Variants in UNC13A observed in about 807,000 individuals in gnomAD.
UNC13A encodes the protein protein unc-13 homolog A.
UNC13A carries 61 observed loss-of-function variants against 219.7 expected under a neutral mutation model. The ratio of observed to expected loss-of-function variants is 0.28; its 90% CI spans 0.23 to 0.34. The LOEUF is 0.34. UNC13A is among the 10% of genes least tolerant of loss of function. The probability of loss-of-function intolerance (pLI) is 1.00; values close to 1 mark genes in which losing one functional copy is unlikely to be tolerated. For missense variants in UNC13A, 1,476 were observed against 2,270.3 expected, an observed-to-expected ratio of 0.65 and a Z score of 7.11; for synonymous variants, 920 against 884.6, an observed-to-expected ratio of 1.04 and a Z score of -0.71.
At chr19:17,618,558 G>C in intron 39 of UNC13A, 57 bp from the exon 40 acceptor site, 1 of 1,508,006 alleles carries the variant, frequency 6.6e-7, no homozygotes, top group Non-Finnish European at 9.0e-7. Flanking sequence ...TTTGGAATCT[G>C]TGTCTATGGG....
At chr19:17,608,959 CT>C (rs35529137) in intron 43 of UNC13A, among the ~76,000 whole-genome samples, 2,450 of 134,308 alleles carry the variant, frequency 0.018, 24 homozygotes, top group Middle Eastern at 0.065. Flanking sequence ...CCAGAGCAGA[CT>C]TTTTTTTTTT....
rs563117369 is a variant in UNC13A at position 17,603,394 on chromosome 19, T to C, written c.*2660A>G. On this transcript the variant is annotated 3_prime_UTR_variant, in exon 44 of 44. Coordinates refer to ENST00000519716, the MANE Select transcript of UNC13A (RefSeq NM_001080421.3). ...TCACTTCCCCTTTGGGCTCTATGGG[T>C]TACAACCCTGAATCATCCATCCACC... is the stretch of plus-strand genomic sequence containing the variant. 55 of 152,376 alleles carry C rather than the reference T, an allele frequency of 3.6e-4. No homozygotes were observed. Among genetic ancestry groups the C allele is most frequent in the African/African-American group, 1.3e-3 (53 of 41,568 alleles). The allele number at this position is 152,376 out of a possible 1,614,324, so 9.4% of individuals were successfully genotyped here. A position where few individuals can be genotyped will look rare whatever the true frequency, so the allele number is the denominator to read the frequency against.
At chr19:17,666,179 C>CTCTCTCTCTT (rs1397641134) in intron 7 of UNC13A, among the ~76,000 whole-genome samples, 11 of 62,034 alleles carry the variant, frequency 1.8e-4, no homozygotes, top group Admixed American at 9.1e-4. Flanking sequence ...TTCTTTCTTT[C>CTCTCTCTCTT]TCTCTCTCTC....
At chr19:17,672,648 A>G (rs2079812395) in intron 3 of UNC13A, among the ~76,000 whole-genome samples, 153 bp from the exon 4 acceptor site, 3 of 152,106 alleles carry the variant, frequency 2.0e-5, no homozygotes, top group Admixed American at 2.0e-4. Context: ...GGTGGTTCTC[A>G]TTTTATAGAG....
At chr19:17,681,975 C>T (rs867959372) in intron 1 of UNC13A, among the ~76,000 whole-genome samples, 65 of 132,984 alleles carry the variant, frequency 4.9e-4, no homozygotes, top group African/African-American at 1.5e-3. Flanking sequence ...TTTTTTTTGA[C>T]GGAGTCTCAC....
intron 34 of UNC13A, among the ~76,000 whole-genome samples, chr19:17,626,128 T>C (rs2076780869): frequency 6.6e-6 from 1 of 151,428 alleles, no homozygotes; most frequent in African/African-American, 2.4e-5. Context: ...CATCCAAATA[T>C]TTATCCACAT....
intron 2 of UNC13A, 95 bp downstream of exon 2, chr19:17,675,917 A>T (rs2079888954): frequency 6.9e-7 from 1 of 1,452,738 alleles, no homozygotes; most frequent in Admixed American, 2.0e-5. Flanking sequence ...ATAAAGCCCA[A>T]CTCTAAGTCT....
rs765072720 is a variant in UNC13A, at chr19:17,627,548, T to C, written c.3881A>G (p.Asn1294Ser). 1.7e-4 allele frequency: 263 copies of C among 1,564,118 alleles called. No homozygotes were observed. Among genetic ancestry groups the C allele is most frequent in the Middle Eastern group, 3.3e-4 (2 of 6,006 alleles). Residue 1294 changes from asparagine (N) to serine (S), a missense_variant, in exon 33 of 44, where the codon AAT (asparagine) becomes AGT (serine). Asn to Ser is a conservative substitution (Grantham distance 46). Coordinates refer to ENST00000519716, the MANE Select transcript of UNC13A (RefSeq NM_001080421.3). This position sits in a 1 kb window ranked among gnomAD's most constrained non-coding sequence, Gnocchi z 4.7. Reference sequence around the variant, plus strand: ...CCGGCTGAGCTCATCCAAGACGTTATTGAGTTTCACCTGAAGCTCCTTCAG... The same window carrying C: ...CCGGCTGAGCTCATCCAAGACGTTACTGAGTTTCACCTGAAGCTCCTTCAG... ...DILKELQVKLNNVLDELSRVF... is the reference protein window; with the variant it reads ...DILKELQVKLSNVLDELSRVF...
At chr19:17,625,081 G>A (rs1403612362) in intron 34 of UNC13A, 129 bp from the exon 35 acceptor site, 1 of 1,412,138 alleles carries the variant, frequency 7.1e-7, no homozygotes, top group Non-Finnish European at 9.4e-7. Context: ...GGGACCCCTG[G>A]GTGGTTTGAT....
chr19:17,685,596 G>A (rs1165263068), intron 1 of UNC13A, among the ~76,000 whole-genome samples: 1 of 152,196 alleles, frequency 6.6e-6, no homozygotes, highest in Non-Finnish European at 1.5e-5. Context: ...ACACTCACAC[G>A]TGTGTTGCTG....
chr19:17,617,966 T>C, intron 40 of UNC13A, 117 bp from the exon 41 acceptor site: 1 of 1,372,224 alleles, frequency 7.3e-7, no homozygotes, highest in Non-Finnish European at 9.9e-7. Context: ...TCTCACCTCT[T>C]CCTTTGCTTT....
At position 17,606,350 on chromosome 19, in the gene UNC13A, G is replaced by T. The variant is rs925014869; in HGVS notation, c.4816C>A (p.Leu1606Met). Residue 1606 changes from leucine to methionine, a missense_variant, in exon 44 of 44, where the codon CTG becomes ATG. Around this residue, in one of 14 missense-constraint regions of UNC13A, gnomAD observed 187 missense variants for 172.3 expected, o/e 1.09. Coordinates refer to ENST00000519716, the MANE Select transcript of UNC13A (RefSeq NM_001080421.3). The part of the protein sequence containing the change: ...PKYNESFQFT[L>M]SADAGPECYE... ...CACTCGGGACCCGCGTCGGCGCTCA[G>T]CGTGCTGCGTGGGGAGGGGCGGAAC... The T allele has an allele frequency of 1.4e-5, 21 of 1,543,774 alleles. No individual in the cohort carries two copies. The African/African-American group carries it at 2.7e-4, about 20-fold the overall frequency.
At chr19:17,619,754 A>G (rs1385558727) in intron 38 of UNC13A, among the ~76,000 whole-genome samples, 1 of 151,718 alleles carries the variant, frequency 6.6e-6, no homozygotes, top group African/African-American at 2.4e-5. Context: ...TAAAGGAAAA[A>G]TCCTCCCTCT....
In UNC13A at chr19:17,602,645, A is replaced by C. The variant is rs1444111837; in HGVS notation, c.*3409T>G. 1 of 152,234 alleles carries C rather than the reference A, an allele frequency of 6.6e-6. No individual in the cohort carries two copies. Among genetic ancestry groups the C allele is most frequent in the African/African-American group, 2.4e-5 (1 of 41,434 alleles). 9.4% of individuals were successfully genotyped at this position (152,234 alleles called of 1,614,324 possible). ...GCCAATACAGGAACTTCCTGATTTC[A>C]AAAGGCTTTCAGCCCCCTGGACTCC... On this transcript the variant is annotated 3_prime_UTR_variant, in exon 44 of 44. Transcript: ENST00000519716.
intron 42 of UNC13A, among the ~76,000 whole-genome samples, chr19:17,610,919 G>A (rs1041289075): frequency 9.9e-5 from 15 of 152,102 alleles, no homozygotes; most frequent in African/African-American, 3.6e-4. Context: ...TGCAATCCCA[G>A]CGACTCCGGA....
At chr19:17,673,029 T>G (rs2145909633) in intron 3 of UNC13A, among the ~76,000 whole-genome samples, 1 of 152,230 alleles carries the variant, frequency 6.6e-6, no homozygotes, top group East Asian at 1.9e-4. Context: ...TTCACTGAAT[T>G]TACAGTTTAC....
intron 22 of UNC13A, 128 bp from the exon 23 acceptor site, chr19:17,640,036 ATTTT>A (rs369769696): frequency 1.5e-6 from 1 of 650,036 alleles, no homozygotes; most frequent in South Asian, 3.2e-5. Flanking sequence ...ATTCTATGGC[ATTTT>A]TTTTTTTGTT....
chr19:17,630,647 T>A lies in UNC13A; in HGVS notation c.3525+7A>T, dbSNP rs1288901313. The A allele has an allele frequency of 2.5e-6, 4 of 1,613,948 alleles. No homozygotes were observed. The highest frequency in any genetic ancestry group is 3.4e-6 in the Non-Finnish European group (4 of 1,179,830). ...TTAGGAACTTGGTTGTGGGTGGGCCTTCTTACCCCATCCTTCTTGTCTCGC... is the reference window on the plus strand; with the variant it reads ...TTAGGAACTTGGTTGTGGGTGGGCCATCTTACCCCATCCTTCTTGTCTCGC... On this transcript the variant is annotated splice_region_variant and intron_variant, in intron 29 of 43. Transcript: ENST00000519716.
intron 25 of UNC13A, among the ~76,000 whole-genome samples, chr19:17,637,687 G>A (rs1321240516): frequency 1.3e-5 from 2 of 151,956 alleles, no homozygotes; most frequent in African/African-American, 4.8e-5. Context: ...ATTTAATCCA[G>A]TTCACCTCAA....
Sources: allele counts gnomAD v4.1 joint callset (sites outside exome capture counted in the v4.1 genomes callset), GRCh38; gene constraint gnomAD v4.1.1; regional missense constraint gnomAD v4.1.1; non-coding constraint Gnocchi (gnomAD v3.1); transcripts MANE v1.5; gene names NCBI Gene and HGNC (gene_info 2026-07-23, HGNC 2026-07-21).